The following GRM1 variants were observed in gnomAD, a reference collection of about 807,000 sequenced individuals.
GRM1 encodes the protein glutamate metabotropic receptor 1.
In GRM1, 33 loss-of-function variants were observed where a neutral mutation model predicts 90.9. The ratio of observed to expected loss-of-function variants is 0.36; its 90% CI spans 0.28 to 0.49. GRM1 has a LOEUF of 0.49. Among genes scored for constraint, GRM1 ranks in the 20% least tolerant of loss-of-function variants. The pLI, the probability that GRM1 is intolerant of heterozygous loss-of-function variation, is 0.99. For synonymous variants in GRM1, 700 were observed against 613.2 expected, an observed-to-expected ratio of 1.14 and a Z score of -2.09; for missense variants, 1,190 against 1,534.3, an observed-to-expected ratio of 0.78 and a Z score of 3.75.
intron 5 of GRM1, among the ~76,000 whole-genome samples, chr6:146,380,867 C>T (rs1475013822): frequency 1.3e-5 from 2 of 152,094 alleles, no homozygotes; most frequent in Non-Finnish European, 2.9e-5. Flanking sequence ...TCCTTTCCTT[C>T]GAGGCAACAG....
chr6:146,221,652 A>G (rs1780067242), intron 2 of GRM1, among the ~76,000 whole-genome samples: 2 of 152,140 alleles, frequency 1.3e-5, no homozygotes, highest in Non-Finnish European at 2.9e-5. Context: ...GCTGCAATAA[A>G]CATATGTGTG....
intron 3 of GRM1, among the ~76,000 whole-genome samples, chr6:146,305,049 C>T (rs1168409470): frequency 1.3e-5 from 2 of 149,548 alleles, no homozygotes; most frequent in African/African-American, 4.9e-5. Context: ...ACTTTGGTCT[C>T]TGTTGGAGCA....
intron 1 of GRM1, among the ~76,000 whole-genome samples, chr6:146,112,058 C>A (rs1775581573): frequency 6.6e-6 from 1 of 152,184 alleles, no homozygotes; most frequent in Non-Finnish European, 1.5e-5. Flanking sequence ...CAGTGCACCA[C>A]TAGGCAACAG....
intron 7 of GRM1, among the ~76,000 whole-genome samples, chr6:146,410,360 A>T (rs1170536895): frequency 6.6e-6 from 1 of 152,252 alleles, no homozygotes; most frequent in African/African-American, 2.4e-5. Flanking sequence ...TTATAAAGAA[A>T]ATAGATCATT....
intron 2 of GRM1, among the ~76,000 whole-genome samples, chr6:146,295,217 CATTT>C (rs1307973563): frequency 1.3e-5 from 2 of 151,478 alleles, no homozygotes; most frequent in African/African-American, 4.8e-5. Context: ...ATCATCTATC[CATTT>C]ATTTATTTAT....
chr6:146,254,293 A>T (rs1781406563), intron 2 of GRM1, among the ~76,000 whole-genome samples: 1 of 152,108 alleles, frequency 6.6e-6, no homozygotes, highest in Non-Finnish European at 1.5e-5. Flanking sequence ...CCCAGGAGAG[A>T]GTATCAAATT....
At chr6:146,122,848 T>C (rs1315506052) in intron 1 of GRM1, among the ~76,000 whole-genome samples, 1 of 139,086 alleles carries the variant, frequency 7.2e-6, no homozygotes, top group African/African-American at 2.7e-5. Context: ...TCTTTTTTTT[T>C]TTTTTTTTTT....
At chr6:146,254,685 C>A (rs575146312) in intron 2 of GRM1, among the ~76,000 whole-genome samples, 1 of 152,118 alleles carries the variant, frequency 6.6e-6, no homozygotes, top group African/African-American at 2.4e-5. Context: ...TTTAACAGCC[C>A]AGTCATGCCC....
At chr6:146,257,893 C>T (rs761506492) in intron 2 of GRM1, among the ~76,000 whole-genome samples, 7 of 151,728 alleles carry the variant, frequency 4.6e-5, no homozygotes, top group Non-Finnish European at 8.8e-5. Context: ...ATGTTTAATC[C>T]GAGCACCTCA....
In GRM1 at chr6:146,394,301, T is replaced by A. The variant is rs112392789; in HGVS notation, c.1730-4468T>A. Among the ~76,000 whole-genome samples the A allele has an allele frequency of 3.3e-5, 5 of 152,252 alleles. 1 individual carries two copies. The highest frequency in any genetic ancestry group is 1.2e-4 in the African/African-American group (5 of 41,566). ...GTGTGATGATTGTCTCTAGTATATC[T>A]AGGCTCAGATAAATTCCTCTTAGTA... On this transcript the variant is annotated intron_variant, in intron 6 of 7. Coordinates refer to ENST00000282753, the MANE Select transcript of GRM1 (RefSeq NM_001278064.2).
chr6:146,276,612 A>T (rs1048583971), intron 2 of GRM1, among the ~76,000 whole-genome samples: 11 of 152,184 alleles, frequency 7.2e-5, no homozygotes, highest in Admixed American at 1.3e-4. Context: ...CAGGCAAAAG[A>T]TGAAAGCTAT....
intron 2 of GRM1, among the ~76,000 whole-genome samples, chr6:146,191,152 C>T (rs1324434359): frequency 1.3e-5 from 2 of 152,184 alleles, no homozygotes; most frequent in Non-Finnish European, 2.9e-5. Flanking sequence ...GATTCATCTT[C>T]TCCACAGCCT....
chr6:146,181,290 G>A (rs1778544456), intron 2 of GRM1, among the ~76,000 whole-genome samples: 1 of 151,822 alleles, frequency 6.6e-6, no homozygotes, highest in African/African-American at 2.4e-5. Context: ...TCTCCAAAGA[G>A]TAATGGTGAG....
chr6:146,162,836 C>T (rs921153789), intron 2 of GRM1, among the ~76,000 whole-genome samples: 2 of 137,408 alleles, frequency 1.5e-5, no homozygotes, highest in Admixed American at 1.4e-4. Context: ...CAAAACAAAA[C>T]AAAACGTGGA....
At chr6:146,288,191 C>T (rs2114875152) in intron 2 of GRM1, among the ~76,000 whole-genome samples, 1 of 152,206 alleles carries the variant, frequency 6.6e-6, no homozygotes, top group South Asian at 2.1e-4. Context: ...AAGGAGTACT[C>T]TGGAGGGTGT....
chr6:146,052,729 A>G (rs1775339331), intron 1 of GRM1, among the ~76,000 whole-genome samples: 1 of 151,806 alleles, frequency 6.6e-6, no homozygotes, highest in African/African-American at 2.4e-5. Flanking sequence ...TTCAAATATC[A>G]TTTCCTCAGG....
Position 146,159,439 on chromosome 6 carries a change from C to T in GRM1, c.792C>T (p.Asn264=), listed in dbSNP as rs1169222222. Residue 264 remains asparagine (N), a synonymous_variant, in exon 2 of 8, where the codon AAC becomes AAT. Transcript: ENST00000282753. Reference sequence around the variant, plus strand: ...CCCATTCTGACAAAATCTACAGCAACGCTGGGGAGAAGAGCTTTGACCGAC... The same window carrying T: ...CCCATTCTGACAAAATCTACAGCAATGCTGGGGAGAAGAGCTTTGACCGAC... ...CIAHSDKIYS[N]AGEKSFDRLL... is the part of the protein sequence containing the mutation. 1.2e-6 allele frequency: 2 copies of T among 1,614,190 alleles called. No homozygotes were observed. Among genetic ancestry groups the T allele is most frequent in the Non-Finnish European group, 1.7e-6 (2 of 1,180,028 alleles).
intron 7 of GRM1, 38 bp from the exon 8 acceptor site, chr6:146,433,834 T>C: frequency 7.3e-7 from 1 of 1,371,434 alleles, no homozygotes; most frequent in Non-Finnish European, 1.0e-6. Context: ...GTGTGCATGA[T>C]CTATCTGCAA....
At chr6:146,056,592 C>T (rs968208454) in intron 1 of GRM1, among the ~76,000 whole-genome samples, 2 of 152,074 alleles carry the variant, frequency 1.3e-5, no homozygotes, top group Admixed American at 6.6e-5. Flanking sequence ...GAACCTTCGG[C>T]ATGTCACGCT....
Sources: gnomAD v4.1 joint callset for allele counts (sites outside exome capture counted in the v4.1 genomes callset) on GRCh38, gnomAD v4.1.1 for gene constraint, MANE v1.5 for transcripts, NCBI Gene and HGNC (gene_info 2026-07-23, HGNC 2026-07-21) for gene names.